The following WARS2 variants were observed in gnomAD, a reference collection of about 807,000 sequenced individuals.
WARS2 encodes the protein tryptophanyl tRNA synthetase 2, mitochondrial, also known as tryptophan--tRNA ligase, mitochondrial.
In WARS2, 28 loss-of-function variants were observed where a neutral mutation model predicts 36.5. The observed-to-expected ratio is 0.77, with a 90% CI of 0.57 to 1.05. The LOEUF (loss-of-function observed/expected upper bound fraction) is 1.05. WARS2 is among the 50% of genes least tolerant of loss of function. The pLI, the probability that WARS2 is intolerant of heterozygous loss-of-function variation, is 0.00. For synonymous variants in WARS2, 174 were observed against 178.4 expected (o/e 0.98, Z 0.20); for missense variants, 435 against 456.8 (o/e 0.95, Z 0.44).
At chr1:119,087,984 C>A (rs1652793396) in intron 1 of WARS2, among the ~76,000 whole-genome samples, 1 of 152,158 alleles carries the variant, frequency 6.6e-6, no homozygotes, top group Admixed American at 6.5e-5. Context: ...CCTACTAAAT[C>A]AGGAATTCTA....
At position 119,031,583 on chromosome 1, in the gene WARS2, A is replaced by G. The variant is rs1168169972; in HGVS notation, c.*1328T>C. On this transcript the variant is annotated 3_prime_UTR_variant, in exon 6 of 6. Coordinates refer to ENST00000235521, the MANE Select transcript of WARS2 (RefSeq NM_015836.4). ...GGTGATCATGGTCCTTACTGATAAA[A>G]AACTTATAAGCAATTTCTGTTACAA... is the stretch of plus-strand genomic sequence containing the variant. The G allele has an allele frequency of 6.6e-6, 1 of 152,216 alleles. No homozygotes were observed. Among genetic ancestry groups the G allele is most frequent in the African/African-American group, 2.4e-5 (1 of 41,446 alleles). 9.4% of individuals were successfully genotyped at this position (152,216 alleles called of 1,614,324 possible). A position where few individuals can be genotyped will look rare whatever the true frequency, so the allele number is the denominator to read the frequency against.
At chr1:119,065,601 C>T (rs1650770769) in intron 2 of WARS2, among the ~76,000 whole-genome samples, 1 of 146,122 alleles carries the variant, frequency 6.8e-6, no homozygotes, top group African/African-American at 2.6e-5. Flanking sequence ...TGCCACTGCA[C>T]TCCAGCCTGG....
chr1:119,096,377 C>CG (rs1421407481), intron 1 of WARS2, among the ~76,000 whole-genome samples: 1 of 152,174 alleles, frequency 6.6e-6, no homozygotes, highest in East Asian at 1.9e-4. Flanking sequence ...TCTAACAACT[C>CG]TAACAAGTTG....
intron 2 of WARS2, among the ~76,000 whole-genome samples, chr1:119,052,799 T>C (rs1649474305): frequency 6.6e-6 from 1 of 152,234 alleles, no homozygotes; most frequent in South Asian, 2.1e-4. Context: ...GACATATTGG[T>C]ACCTATAGCT....
chr1:119,078,929 G>A (rs1175714903), intron 1 of WARS2, among the ~76,000 whole-genome samples: 1 of 146,922 alleles, frequency 6.8e-6, no homozygotes, highest in Non-Finnish European at 1.5e-5. Flanking sequence ...TGCATATATG[G>A]ATACATACAT....
chr1:119,069,778 T>A (rs1350457691), intron 2 of WARS2, among the ~76,000 whole-genome samples: 1 of 151,960 alleles, frequency 6.6e-6, no homozygotes, highest in East Asian at 1.9e-4. Flanking sequence ...GGCTGCCTTG[T>A]GGGGAATGAA....
At chr1:119,057,699 A>T (rs1161917649) in intron 2 of WARS2, among the ~76,000 whole-genome samples, 1 of 151,822 alleles carries the variant, frequency 6.6e-6, no homozygotes, top group Non-Finnish European at 1.5e-5. Flanking sequence ...CTGAGGCAGG[A>T]GGATTGTTTG....
At chr1:119,059,032 T>C (rs1264994158) in intron 2 of WARS2, among the ~76,000 whole-genome samples, 3 of 152,072 alleles carry the variant, frequency 2.0e-5, no homozygotes, top group Non-Finnish European at 4.4e-5. Flanking sequence ...CTCATTGTGG[T>C]TTTGATTTGC....
chr1:119,101,434 G>A (rs1653855244), intron 1 of WARS2, among the ~76,000 whole-genome samples: 1 of 152,044 alleles, frequency 6.6e-6, no homozygotes, highest in African/African-American at 2.4e-5. Context: ...CATAATACAG[G>A]TGCTTAATAT....
At chr1:119,055,890 G>A (rs1428543966) in intron 2 of WARS2, among the ~76,000 whole-genome samples, 1 of 152,044 alleles carries the variant, frequency 6.6e-6, no homozygotes, top group African/African-American at 2.4e-5. Flanking sequence ...TATCAGTATA[G>A]GGAACATGAT....
chr1:119,096,203 T>TTAA (rs1280681956), intron 1 of WARS2, among the ~76,000 whole-genome samples: 1 of 152,256 alleles, frequency 6.6e-6, no homozygotes, highest in Admixed American at 6.5e-5. Flanking sequence ...AATGTATTGT[T>TTAA]TAATACACTG....
At chr1:119,083,182 T>C (rs1652343577) in intron 1 of WARS2, among the ~76,000 whole-genome samples, 1 of 152,132 alleles carries the variant, frequency 6.6e-6, no homozygotes, top group Non-Finnish European at 1.5e-5. Flanking sequence ...TGAGATGAGA[T>C]AGCGCCATTG....
Position 119,042,256 on chromosome 1 carries a change from C to A in WARS2, c.515+8G>T. On this transcript the variant is annotated splice_region_variant and intron_variant, in intron 4 of 5. Coordinates refer to ENST00000235521, the MANE Select transcript of WARS2 (RefSeq NM_015836.4). ...TATGTATAAGACTGGGCTGAACTCT[C>A]TTCTTACTTGTACAACAGAATGTCG... 1 of 1,613,678 alleles carries A rather than the reference C, an allele frequency of 6.2e-7. No individual in the cohort carries two copies. Among genetic ancestry groups the A allele is most frequent in the Non-Finnish European group, 8.5e-7 (1 of 1,179,690 alleles).
At chr1:119,086,187 T>G (rs587593539) in intron 1 of WARS2, among the ~76,000 whole-genome samples, 29 of 152,302 alleles carry the variant, frequency 1.9e-4, no homozygotes, top group African/African-American at 6.0e-4. Context: ...ACATTGATTT[T>G]CAAGTGTTCA....
At chr1:119,073,637 C>T (rs1206699380) in intron 2 of WARS2, among the ~76,000 whole-genome samples, 4 of 152,180 alleles carry the variant, frequency 2.6e-5, no homozygotes, top group Non-Finnish European at 5.9e-5. Context: ...GTCCCTTCCA[C>T]TCTCTGACCT....
intron 1 of WARS2, among the ~76,000 whole-genome samples, chr1:119,090,351 T>C (rs1652958306): frequency 6.6e-6 from 1 of 152,112 alleles, no homozygotes. Flanking sequence ...TGCTTCCTTG[T>C]ACAAATCACG....
chr1:119,117,886 A>G (rs945995138), intron 1 of WARS2, among the ~76,000 whole-genome samples: 2 of 152,204 alleles, frequency 1.3e-5, no homozygotes, highest in East Asian at 1.9e-4. Context: ...CGGGGAGAGC[A>G]TCACATCAAT....
intron 2 of WARS2, among the ~76,000 whole-genome samples, chr1:119,075,663 T>G (rs1174926574): frequency 6.6e-6 from 1 of 152,192 alleles, no homozygotes; most frequent in Non-Finnish European, 1.5e-5. Flanking sequence ...AGATACATAA[T>G]GAAGGCATGA....
intron 1 of WARS2, among the ~76,000 whole-genome samples, chr1:119,134,521 G>A (rs2101578744): frequency 6.6e-6 from 1 of 152,180 alleles, no homozygotes; most frequent in African/African-American, 2.4e-5. Flanking sequence ...CTCAGGTGAT[G>A]GGTCAGTGCA....
Sources: allele counts gnomAD v4.1 joint callset (sites outside exome capture counted in the v4.1 genomes callset), GRCh38; gene constraint gnomAD v4.1.1; transcripts MANE v1.5; gene names NCBI Gene and HGNC (gene_info 2026-07-23, HGNC 2026-07-21).